ERMP1: variants seen among roughly 807,000 people sequenced by gnomAD.
ERMP1 encodes the protein Felix-ina.
A neutral mutation model predicts 92.0 loss-of-function variants in ERMP1; 86 were observed. That is an observed-to-expected ratio of 0.93 (90% CI 0.79 to 1.12). The LOEUF (loss-of-function observed/expected upper bound fraction) is 1.12. ERMP1 is among the 50% of genes most tolerant of loss of function. ERMP1 has a pLI of 0.00. For missense variants in ERMP1, 1,342 were observed against 1,116.3 expected, an observed-to-expected ratio of 1.20 and a Z score of -2.88; for synonymous variants, 530 against 412.8, an observed-to-expected ratio of 1.28 and a Z score of -3.44.
intron 6 of ERMP1, among the ~76,000 whole-genome samples, chr9:5,847,927 C>G (rs1487830199): frequency 6.7e-6 from 1 of 148,508 alleles, no homozygotes; most frequent in Non-Finnish European, 1.5e-5. Context: ...AAAAAAAAAA[C>G]CCAAATCAAA....
At chr9:5,796,193 G>A (rs1395996754) in intron 13 of ERMP1, among the ~76,000 whole-genome samples, 2 of 152,158 alleles carry the variant, frequency 1.3e-5, no homozygotes, top group African/African-American at 4.8e-5. Context: ...GTTATTTTGT[G>A]AATATTGACA....
chr9:5,856,375 G>T, intron 6 of ERMP1: 1 of 189,236 alleles, frequency 5.3e-6, no homozygotes, highest in South Asian at 1.1e-4. Context: ...CCAAACTTCT[G>T]GGCCAAGAGG....
chr9:5,806,387 T>C (rs1353921095), intron 8 of ERMP1, among the ~76,000 whole-genome samples: 1 of 152,154 alleles, frequency 6.6e-6, no homozygotes, highest in Non-Finnish European at 1.5e-5. Flanking sequence ...AGGGTTCCTA[T>C]GTAGCACCTT....
At position 5,801,257 on chromosome 9, in the gene ERMP1, T is replaced by G; in HGVS notation, c.1986A>C (p.Thr662=). 2 of 1,613,866 alleles carry G rather than the reference T, an allele frequency of 1.2e-6. No homozygotes were observed. Among genetic ancestry groups the G allele is most frequent in the East Asian group, 4.5e-5 (2 of 44,858 alleles). Residue 662 remains threonine (T), a synonymous_variant, in exon 11 of 15, where the codon ACA becomes ACC. Coordinates refer to ENST00000339450, the MANE Select transcript of ERMP1 (RefSeq NM_024896.3). ...MLTLTLVCAI[T]FLLVCSGTFF... is the part of the protein sequence containing the mutation. ...ATGTTCCACTGCAAACAAGGAGGAA[T>G]GTAATTGCACATACCAAAGTTAAAG...
Position 5,798,926 on chromosome 9 carries a change from G to C in ERMP1, c.2150C>G (p.Thr717Ser), listed in dbSNP as rs144298724. The change falls in exon 12 of 15, where the codon ACT becomes AGT. Residue 717 changes from threonine to serine, a missense_variant. Transcript: ENST00000339450. Reference sequence around the variant, plus strand: ...GTGAGGGGTTATGTGAGAAATTCCAGTATAATCAAACCCATTGATCCATAT... The same window carrying C: ...GTGAGGGGTTATGTGAGAAATTCCACTATAATCAAACCCATTGATCCATAT... ...SGIWINGFDY[T>S]GISHITPHIP... 23 of 1,612,604 alleles carry C rather than the reference G, an allele frequency of 1.4e-5. No individual in the cohort carries two copies. Among genetic ancestry groups the C allele is most frequent in the African/African-American group, 6.7e-5 (5 of 74,858 alleles).
In ERMP1 at chr9:5,787,250, G is replaced by A; in HGVS notation, c.2609C>T (p.Ser870Phe). Residue 870 changes from serine to phenylalanine, a missense_variant, in exon 15 of 15, where the codon TCT (serine) becomes TTT (phenylalanine). Ser to Phe is a radical substitution (Grantham distance 155). Coordinates refer to ENST00000339450, the MANE Select transcript of ERMP1 (RefSeq NM_024896.3). ...VTVAIAAHYL[S>F]GEDKRSPQLD... Reference sequence around the variant, plus strand: ...TTGAGGGGATCTCTTGTCTTCCCCAGACAGATAGTGGGCAGCAATGGCCAC... The same window carrying A: ...TTGAGGGGATCTCTTGTCTTCCCCAAACAGATAGTGGGCAGCAATGGCCAC... The A allele has an allele frequency of 1.9e-6, 3 of 1,614,074 alleles. No homozygotes were observed. The highest frequency in any genetic ancestry group is 2.5e-6 in the Non-Finnish European group (3 of 1,179,988).
At chr9:5,860,185 G>A (rs553295887) in intron 5 of ERMP1, among the ~76,000 whole-genome samples, 1 of 150,988 alleles carries the variant, frequency 6.6e-6, no homozygotes, top group East Asian at 2.0e-4. Flanking sequence ...CATACCTGTA[G>A]TCCCAGCTAC....
At chr9:5,843,041 C>T (rs1242301069) in intron 6 of ERMP1, among the ~76,000 whole-genome samples, 1 of 152,220 alleles carries the variant, frequency 6.6e-6, no homozygotes, top group African/African-American at 2.4e-5. Flanking sequence ...GACAAACAGA[C>T]TTGTTATTCA....
At chr9:5,793,400 G>A (rs1828284891) in intron 13 of ERMP1, among the ~76,000 whole-genome samples, 1 of 151,900 alleles carries the variant, frequency 6.6e-6, no homozygotes, top group Non-Finnish European at 1.5e-5. Flanking sequence ...AAAAACAAGG[G>A]CAACAAATAG....
At position 5,788,496 on chromosome 9, in the gene ERMP1, G is replaced by A. The variant is rs955944509; in HGVS notation, c.2387-903C>T. ...CAAAAGAAAATTCAGGGTCCTGCAAGAAAAATCCAGTCAAAAAAGTTGAAA... is the reference window on the plus strand; with the variant it reads ...CAAAAGAAAATTCAGGGTCCTGCAAAAAAAATCCAGTCAAAAAAGTTGAAA... On this transcript the variant is annotated intron_variant, in intron 13 of 14. Coordinates refer to ENST00000339450, the MANE Select transcript of ERMP1 (RefSeq NM_024896.3). 7.9e-5 allele frequency among the ~76,000 whole-genome samples: 12 copies of A among 152,066 alleles called. No homozygotes were observed. In the South Asian group the frequency reaches 1.0e-3, roughly 13 times the overall value.
Position 5,801,262 on chromosome 9 carries a change from T to C in ERMP1, c.1981A>G (p.Ile661Val), listed in dbSNP as rs753294459. The change falls in exon 11 of 15, where the codon ATT (isoleucine) becomes GTT (valine). Residue 661 changes from isoleucine (I) to valine (V), a missense_variant. Ile to Val is a conservative substitution (Grantham distance 29). Coordinates refer to ENST00000339450, the MANE Select transcript of ERMP1 (RefSeq NM_024896.3). ...CCACTGCAAACAAGGAGGAATGTAA[T>C]TGCACATACCAAAGTTAAAGTTAGC... is the stretch of plus-strand genomic sequence containing the variant. ...TMLTLTLVCA[I>V]TFLLVCSGTF... 14 of 1,613,694 alleles carry C rather than the reference T, an allele frequency of 8.7e-6. No individual in the cohort carries two copies. Among genetic ancestry groups the C allele is most frequent in the African/African-American group, 2.7e-5 (2 of 74,942 alleles).
At chr9:5,797,229 A>G (rs1221821070) in intron 13 of ERMP1, among the ~76,000 whole-genome samples, 1 of 151,156 alleles carries the variant, frequency 6.6e-6, no homozygotes, top group African/African-American at 2.4e-5. Flanking sequence ...TTTTGTAGAG[A>G]CGGGATGTCA....
chr9:5,836,203 G>A (rs1490741514), upstream of ERMP1, among the ~76,000 whole-genome samples: 1 of 152,232 alleles, frequency 6.6e-6, no homozygotes, highest in Non-Finnish European at 1.5e-5. Flanking sequence ...GGATTCAGGT[G>A]AACTGCCAGT....
chr9:5,817,822 T>C (rs980590260), intron 4 of ERMP1, among the ~76,000 whole-genome samples: 1 of 151,662 alleles, frequency 6.6e-6, no homozygotes, highest in African/African-American at 2.4e-5. Flanking sequence ...TTTACTTCCT[T>C]CAATCTCTAG....
chr9:5,793,646 A>G (rs1236127001), intron 13 of ERMP1, among the ~76,000 whole-genome samples: 1 of 152,146 alleles, frequency 6.6e-6, no homozygotes, highest in Non-Finnish European at 1.5e-5. Context: ...TAGGAGAGCA[A>G]TATTAATTTT....
chr9:5,819,781 G>A (rs571468326), intron 4 of ERMP1, among the ~76,000 whole-genome samples: 18 of 152,172 alleles, frequency 1.2e-4, no homozygotes, highest in African/African-American at 1.4e-4. Context: ...AAACAATCAC[G>A]TGTTGTATGA....
chr9:5,812,764 A>G, intron 5 of ERMP1, 125 bp downstream of exon 5: 3 of 1,031,440 alleles, frequency 2.9e-6, no homozygotes, highest in Non-Finnish European at 4.5e-6. Context: ...TAGTGAGTCA[A>G]TGTATATTTC....
At position 5,784,663 on chromosome 9, in the gene ERMP1, CT is replaced by C. The variant is rs1827863038; in HGVS notation, c.*2480del. 6.6e-6 allele frequency: 1 copy of C among 152,666 alleles called. No homozygotes were observed. The highest frequency in any genetic ancestry group is 2.4e-5 in the African/African-American group (1 of 41,458). 9.5% of individuals were successfully genotyped at this position (152,666 alleles called of 1,614,324 possible). On this transcript the variant is annotated 3_prime_UTR_variant, in exon 15 of 15. Transcript: ENST00000339450. The stretch of plus-strand genomic sequence containing the variant: ...AGTGACAAGAAATTGACAAACACTC[CT>C]TCTACAGCTTCCTGAGACAGCAGGC...
chr9:5,798,917 G>C lies in ERMP1; in HGVS notation c.2159C>G (p.Ser720Cys). Residue 720 changes from serine to cysteine, a missense_variant, in exon 12 of 15, where the codon TCT becomes TGT. Physicochemically the swap from Ser to Cys is moderately radical, Grantham distance 112. Coordinates refer to ENST00000339450, the MANE Select transcript of ERMP1 (RefSeq NM_024896.3). ...WINGFDYTGI[S>C]HITPHIPEIN... ...CTCAGGAATGTGAGGGGTTATGTGA[G>C]AAATTCCAGTATAATCAAACCCATT... is the stretch of plus-strand genomic sequence containing the variant. 6.2e-7 allele frequency: 1 copy of C among 1,612,674 alleles called. No homozygotes were observed. Among genetic ancestry groups the C allele is most frequent in the South Asian group, 1.1e-5 (1 of 91,054 alleles).
Sources: gnomAD v4.1 joint callset for allele counts (sites outside exome capture counted in the v4.1 genomes callset) on GRCh38, gnomAD v4.1.1 for gene constraint, MANE v1.5 for transcripts, NCBI Gene and HGNC (gene_info 2026-07-23, HGNC 2026-07-21) for gene names.